The following SNX15 variants were observed in gnomAD, a reference collection of about 807,000 sequenced individuals.
SNX15 encodes the protein sorting nexin-15.
Under a neutral mutation model 35.2 loss-of-function variants are expected in SNX15, and 29 were observed. The observed-to-expected ratio is 0.82, with a 90% CI of 0.61 to 1.12. SNX15 has a LOEUF of 1.12. SNX15 is among the 50% of genes most tolerant of loss of function. SNX15 has a pLI of 0.00. For synonymous variants in SNX15, 189 were observed against 188.2 expected (o/e 1.00, Z -0.03); for missense variants, 400 against 451.5 (o/e 0.89, Z 1.03).
chr11:65,035,962 C>T (rs1946497523), intron 6 of SNX15: 1 of 308,740 alleles, frequency 3.2e-6, no homozygotes, highest in Admixed American at 4.9e-5. Flanking sequence ...GGTCACACTG[C>T]TCTGGGACAT....
chr11:65,032,290 C>T (rs761773729), intron 2 of SNX15, 87 bp downstream of exon 2: 5 of 1,566,522 alleles, frequency 3.2e-6, no homozygotes, highest in Admixed American at 1.7e-5. Flanking sequence ...GCTTGGACAT[C>T]GGCCCTCCTT....
At chr11:65,039,230 T>G (rs539668424) in intron 7 of SNX15, among the ~76,000 whole-genome samples, 1 of 150,262 alleles carries the variant, frequency 6.7e-6, no homozygotes, top group East Asian at 1.9e-4. Context: ...TATTTATTTA[T>G]TTTTATTTTT....
Position 65,035,094 on chromosome 11 carries a change from G to T in SNX15, c.408G>T (p.Arg136Ser), listed in dbSNP as rs1247616149. Residue 136 changes from arginine (R) to serine (S), a missense_variant, in exon 5 of 8, where the codon AGG (arginine) becomes AGT (serine). Coordinates refer to ENST00000377244, the MANE Select transcript of SNX15 (RefSeq NM_013306.5). Reference protein sequence around the residue: ...GEVTRPLEVSRDLHILPPPLI... With the variant: ...GEVTRPLEVSSDLHILPPPLI... ...TGACCCGACCCTTGGAGGTGTCCAG[G>T]GACCTACACATCCTGCCACCCCCTC... 19 of 1,612,216 alleles carry T rather than the reference G, an allele frequency of 1.2e-5. No individual in the cohort carries two copies. Among genetic ancestry groups the T allele is most frequent in the Non-Finnish European group, 1.6e-5 (19 of 1,179,392 alleles).
At chr11:65,038,381 C>A (rs192704881) in intron 6 of SNX15, 191 bp from the exon 7 acceptor site, 166 of 1,145,744 alleles carry the variant, frequency 1.4e-4, no homozygotes, top group Non-Finnish European at 1.8e-4. Context: ...TACAGAAGCA[C>A]ATGAACCCTA....
chr11:65,039,998 CCTGT>C lies in SNX15; in HGVS notation c.*209_*212del. On this transcript the variant is annotated 3_prime_UTR_variant, in exon 8 of 8. Transcript: ENST00000377244. Reference sequence around the variant, plus strand: ...TCAAGGACTCACACTTCTGACCCTGCCTGTCTTTTTGGGGTTTTTTTGAGTTGGA... The same window carrying C: ...TCAAGGACTCACACTTCTGACCCTGCCTTTTTGGGGTTTTTTTGAGTTGGA... 1 of 488,686 alleles carries C rather than the reference CCTGT, an allele frequency of 2.0e-6. No homozygotes were observed. The highest frequency in any genetic ancestry group is 3.7e-6 in the Non-Finnish European group (1 of 268,738). 30.3% of individuals were successfully genotyped at this position (488,686 alleles called of 1,614,324 possible).
intron 6 of SNX15, chr11:65,035,921 C>A: frequency 2.6e-6 from 1 of 388,836 alleles, no homozygotes; most frequent in Non-Finnish European, 4.6e-6. Context: ...ATGTTGGGGC[C>A]ATCTCACTGA....
chr11:65,027,643 T>TG lies in SNX15; in HGVS notation c.99+11dup, dbSNP rs1267146389. The TG allele has an allele frequency of 1.9e-6, 3 of 1,608,254 alleles. No individual in the cohort carries two copies. Among genetic ancestry groups the TG allele is most frequent in the East Asian group, 2.2e-5 (1 of 44,834 alleles). The stretch of plus-strand genomic sequence containing the variant: ...GTACAAAGTAACCGCGCAGGTGAGG[T>TG]GGGGCCCAGCGCGTACTTTACCCTT... On this transcript the variant is annotated splice_region_variant and intron_variant, in intron 1 of 7. Transcript: ENST00000377244.
intron 1 of SNX15, among the ~76,000 whole-genome samples, chr11:65,030,785 G>C (rs1946432107): frequency 6.6e-6 from 1 of 152,146 alleles, no homozygotes. Flanking sequence ...TTACAGGCAT[G>C]AGACACCACA....
Position 65,035,620 on chromosome 11 carries a change from C to T in SNX15, c.621C>T (p.Leu207=), listed in dbSNP as rs774314955. Residue 207 remains leucine (L), a synonymous_variant, in exon 6 of 8, where the codon CTC becomes CTT. Coordinates refer to ENST00000377244, the MANE Select transcript of SNX15 (RefSeq NM_013306.5). ...EASGSPARGP[L]TEAELALFDP... ...CTGGTTCCCCTGCCCGAGGCCCCCT[C>T]ACCGAGGCTGAGCTTGCCCTCTTCG... The T allele has an allele frequency of 2.4e-5, 39 of 1,613,616 alleles. No individual in the cohort carries two copies. Among genetic ancestry groups the T allele is most frequent in the Non-Finnish European group, 3.2e-5 (38 of 1,179,806 alleles).
At chr11:65,036,737 G>C (rs1430108127) in intron 6 of SNX15, 2 of 145,858 alleles carry the variant, frequency 1.4e-5, no homozygotes, top group African/African-American at 2.6e-5. Flanking sequence ...GCAGTGGCGC[G>C]ATCTCAGCTC....
At chr11:65,031,652 C>T (rs1444146499) in intron 1 of SNX15, among the ~76,000 whole-genome samples, 1 of 152,228 alleles carries the variant, frequency 6.6e-6, no homozygotes, top group Non-Finnish European at 1.5e-5. Context: ...GCCTGTAATC[C>T]CAGCACTTTG....
chr11:65,039,100 T>G (rs984288950), intron 7 of SNX15, among the ~76,000 whole-genome samples: 3 of 146,820 alleles, frequency 2.0e-5, no homozygotes, highest in African/African-American at 7.5e-5. Flanking sequence ...CTCGGCTCAC[T>G]GCAACCTCCG....
intron 6 of SNX15, 23 bp from the exon 7 acceptor site, chr11:65,038,549 G>C: frequency 6.6e-7 from 1 of 1,516,042 alleles, no homozygotes; most frequent in Non-Finnish European, 8.8e-7. Context: ...AGTCTGGTCC[G>C]AGTCCTCCCT....
rs1006331761 is a variant in SNX15 at position 65,035,182 on chromosome 11, G to A, written c.496G>A (p.Gly166Ser). The A allele has an allele frequency of 1.3e-6, 2 of 1,591,096 alleles. No individual in the cohort carries two copies. Among genetic ancestry groups the A allele is most frequent in the Non-Finnish European group, 1.7e-6 (2 of 1,170,972 alleles). Residue 166 changes from glycine (G) to serine (S), a missense_variant, in exon 5 of 8, where the codon GGC becomes AGC. Gly to Ser is a moderately conservative substitution (Grantham distance 56). Coordinates refer to ENST00000377244, the MANE Select transcript of SNX15 (RefSeq NM_013306.5). ...CCAACTGCTCCCTGCAGAAAGGAGG[G>A]GCCTCGAGGAATTGGAGGTGCCAGG... ...LSQLLPAERR[G>S]LEELEVPVDP...
intron 3 of SNX15, among the ~76,000 whole-genome samples, chr11:65,033,430 G>C (rs1401949211): frequency 2.0e-5 from 3 of 150,696 alleles, no homozygotes; most frequent in Non-Finnish European, 4.4e-5. Flanking sequence ...TGTAATCTCA[G>C]CTACTCAGGA....
At chr11:65,038,450 C>T in intron 6 of SNX15, 122 bp from the exon 7 acceptor site, 2 of 1,304,162 alleles carry the variant, frequency 1.5e-6, no homozygotes, top group Non-Finnish European at 1.0e-6. Context: ...ATTGCTCTGG[C>T]ATTGGTCCCC....
chr11:65,034,895 A>T lies in SNX15; in HGVS notation c.305A>T (p.Asp102Val). The T allele has an allele frequency of 6.2e-7, 1 of 1,614,042 alleles. No individual in the cohort carries two copies. The highest frequency in any genetic ancestry group is 8.5e-7 in the Non-Finnish European group (1 of 1,179,942). Residue 102 changes from aspartate (D) to valine (V), a missense_variant, in exon 4 of 8, where the codon GAC becomes GTC. Coordinates refer to ENST00000377244, the MANE Select transcript of SNX15 (RefSeq NM_013306.5). ...VIEERRKGAE[D>V]LLRFTVHIPA... ...GAGGAGCGGCGAAAGGGGGCAGAGG[A>T]CCTGCTTCGCTTCACTGTGCACATA... is the stretch of plus-strand genomic sequence containing the variant.
chr11:65,038,287 CAA>C, intron 6 of SNX15: 1 of 1,125,162 alleles, frequency 8.9e-7, no homozygotes, highest in Admixed American at 4.9e-5. Flanking sequence ...CAACTGGAGT[CAA>C]GAGGGAAATA....
chr11:65,030,049 A>G (rs1199342659), intron 1 of SNX15, among the ~76,000 whole-genome samples: 1 of 151,864 alleles, frequency 6.6e-6, no homozygotes, highest in African/African-American at 2.4e-5. Context: ...CACTACGCCT[A>G]GCTCAATTTT....
Sources: allele counts gnomAD v4.1 joint callset (sites outside exome capture counted in the v4.1 genomes callset), GRCh38; gene constraint gnomAD v4.1.1; transcripts MANE v1.5; gene names NCBI Gene and HGNC (gene_info 2026-07-23, HGNC 2026-07-21).